STAT5B: variants seen among roughly 807,000 people sequenced by gnomAD.
STAT5B encodes the protein transcription factor STAT5B.
A neutral mutation model predicts 107.8 loss-of-function variants in STAT5B; 21 were observed. The ratio of observed to expected loss-of-function variants is 0.19; its 90% CI spans 0.14 to 0.28. The LOEUF is 0.28. STAT5B is among the 10% of genes least tolerant of loss of function. The pLI is 1.00. For synonymous variants in STAT5B, 325 were observed against 401.7 expected (o/e 0.81, Z 2.28); for missense variants, 565 against 1,008.2 (o/e 0.56, Z 5.95).
intron 12 of STAT5B, among the ~76,000 whole-genome samples, chr17:42,215,681 C>A (rs373472918): frequency 6.6e-6 from 1 of 152,004 alleles, no homozygotes; most frequent in East Asian, 1.9e-4. Context: ...TGCAGTGGTG[C>A]GATCTCGGCT....
In STAT5B at chr17:42,217,216, T is replaced by C; in HGVS notation, c.1324A>G (p.Ile442Val). The C allele has an allele frequency of 6.2e-7, 1 of 1,614,114 alleles. No individual in the cohort carries two copies. The highest frequency in any genetic ancestry group is 8.5e-7 in the Non-Finnish European group (1 of 1,180,020). The change falls in exon 11 of 19, where the codon ATC (isoleucine) becomes GTC (valine). Residue 442 changes from isoleucine to valine, a missense_variant. Ile to Val is a conservative substitution (Grantham distance 29). Transcript: ENST00000293328. ...AESVTEEKFT[I>V]LFESQFSVGG... ...ACACTGAACTGGGATTCAAACAGGA[T>C]TGTAAATTTTTCTTCTGTCACCGAC... is the stretch of plus-strand genomic sequence containing the variant.
intron 4 of STAT5B, among the ~76,000 whole-genome samples, chr17:42,224,392 T>C (rs1489971992): frequency 6.6e-6 from 1 of 151,744 alleles, no homozygotes; most frequent in African/African-American, 2.4e-5. Context: ...CACCCATGAG[T>C]GCAGGGGTGC....
chr17:42,224,691 C>G, intron 4 of STAT5B, 88 bp downstream of exon 4: 1 of 1,320,772 alleles, frequency 7.6e-7, no homozygotes, highest in Admixed American at 1.8e-5. Context: ...ATAGTGCACC[C>G]TGAGTCACCT....
chr17:42,226,624 A>G (rs952569230), intron 3 of STAT5B, among the ~76,000 whole-genome samples: 5 of 151,784 alleles, frequency 3.3e-5, no homozygotes, highest in Non-Finnish European at 5.9e-5. Context: ...CCTGACCAAC[A>G]TGGAGAAACC....
chr17:42,280,812 A>T (rs1180606905), upstream of STAT5B, among the ~76,000 whole-genome samples: 1 of 152,042 alleles, frequency 6.6e-6, no homozygotes, highest in East Asian at 1.9e-4. Context: ...GAAAAGTTAG[A>T]TATGGTTCTA....
intron 12 of STAT5B, 139 bp from the exon 13 acceptor site, chr17:42,212,329 G>T: frequency 7.1e-7 from 1 of 1,400,928 alleles, no homozygotes; most frequent in Non-Finnish European, 9.8e-7. Context: ...TTCAGACTCT[G>T]CTGGGGTACA....
At chr17:42,285,140 A>T in the STAT5B span, among the ~76,000 whole-genome samples, 1 of 148,192 alleles carries the variant, frequency 6.7e-6, no homozygotes, top group Admixed American at 6.8e-5. Flanking sequence ...CCCAGGCTGG[A>T]GTGCAGTGGT....
intron 1 of STAT5B, among the ~76,000 whole-genome samples, chr17:42,259,290 C>A (rs2080573685): frequency 6.6e-6 from 1 of 152,174 alleles, no homozygotes; most frequent in Non-Finnish European, 1.5e-5. Context: ...GCGTGAGCCA[C>A]TGCACCTGGC....
intron 1 of STAT5B, among the ~76,000 whole-genome samples, chr17:42,268,042 T>G (rs978591388): frequency 2.0e-5 from 3 of 152,112 alleles, no homozygotes; most frequent in Non-Finnish European, 1.5e-5. Context: ...GAAACAATTT[T>G]CAAAATACAT....
intron 3 of STAT5B, among the ~76,000 whole-genome samples, chr17:42,225,278 C>T (rs866923456): frequency 1.3e-5 from 2 of 152,164 alleles, no homozygotes; most frequent in Non-Finnish European, 2.9e-5. Context: ...TGGTCTCGAA[C>T]TCCTGACCTC....
the STAT5B span, among the ~76,000 whole-genome samples, chr17:42,287,107 C>T: frequency 1.3e-5 from 2 of 152,314 alleles, no homozygotes; most frequent in Non-Finnish European, 2.9e-5. Flanking sequence ...TTTTCAATTC[C>T]TTTCCTCGTG....
At chr17:42,262,975 T>C in intron 1 of STAT5B, among the ~76,000 whole-genome samples, 1 of 25,664 alleles carries the variant, frequency 3.9e-5, no homozygotes, top group Non-Finnish European at 6.6e-5. Context: ...TGTGTGTATA[T>C]ATATATATAT....
chr17:42,258,606 G>T (rs1412256019), intron 1 of STAT5B, among the ~76,000 whole-genome samples: 1 of 152,208 alleles, frequency 6.6e-6, no homozygotes, highest in Non-Finnish European at 1.5e-5. Context: ...TTGAACCTGG[G>T]AGACGGAGGT....
chr17:42,213,196 GAAT>G (rs1426989662), intron 12 of STAT5B, among the ~76,000 whole-genome samples: 1 of 152,086 alleles, frequency 6.6e-6, no homozygotes, highest in Non-Finnish European at 1.5e-5. Flanking sequence ...TATATATGGA[GAAT>G]AAATTTCCAC....
upstream of STAT5B, among the ~76,000 whole-genome samples, chr17:42,280,316 T>G (rs1387878060): frequency 6.6e-6 from 1 of 151,958 alleles, no homozygotes; most frequent in Non-Finnish European, 1.5e-5. Context: ...CCTGCTCCCA[T>G]CCTACAGCCT....
chr17:42,251,827 G>A (rs761366258), intron 1 of STAT5B, among the ~76,000 whole-genome samples: 19 of 151,688 alleles, frequency 1.3e-4, no homozygotes, highest in Non-Finnish European at 1.6e-4. Flanking sequence ...GTGAAACCCC[G>A]TCTCTACTAA....
rs2080094865 is a variant in STAT5B at position 42,207,501 on chromosome 17, A to G, written c.2077+57T>C. The G allele has an allele frequency of 2.5e-6, 4 of 1,569,316 alleles. No homozygotes were observed. In the African/African-American group the frequency reaches 5.8e-5, roughly 23 times the overall value. On this transcript the variant is annotated intron_variant, in intron 16 of 18. Transcript: ENST00000293328. ...CACGCAGGTATGCACACACACACAC[A>G]CACACACACACACACACACACACAA...
upstream of STAT5B, among the ~76,000 whole-genome samples, chr17:42,279,803 GA>G (rs756565375): frequency 7.0e-3 from 896 of 127,264 alleles, 1 homozygote; most frequent in African/African-American, 0.01. Context: ...CTCCATCTCA[GA>G]AAAAAAAAAA....
chr17:42,272,663 A>G (rs2080730890), intron 1 of STAT5B: 1 of 152,180 alleles, frequency 6.6e-6, no homozygotes, highest in African/African-American at 2.4e-5. Context: ...GTTTGTCTGT[A>G]TAAGTTTAAA....
Sources: allele counts gnomAD v4.1 joint callset (sites outside exome capture counted in the v4.1 genomes callset), GRCh38; gene constraint gnomAD v4.1.1; transcripts MANE v1.5; gene names NCBI Gene and HGNC (gene_info 2026-07-23, HGNC 2026-07-21).